PHF3: variants seen among roughly 807,000 people sequenced by gnomAD.
PHF3 encodes the protein PHD finger protein 3.
A neutral mutation model predicts 178.4 loss-of-function variants in PHF3; 41 were observed. That is an observed-to-expected ratio of 0.23 (90% CI 0.18 to 0.30). The LOEUF (loss-of-function observed/expected upper bound fraction) is 0.30. Ranked by LOEUF, PHF3 falls within the 10% of genes least tolerant of loss-of-function variation. The pLI, the probability that PHF3 is intolerant of heterozygous loss-of-function variation, is 1.00. For missense variants in PHF3, 2,346 were observed against 2,398.1 expected (o/e 0.98, Z 0.45); for synonymous variants, 842 against 800.5 (o/e 1.05, Z -0.88).
intron 2 of PHF3, among the ~76,000 whole-genome samples, chr6:63,654,938 G>T (rs1765170673): frequency 7.3e-6 from 1 of 137,350 alleles, no homozygotes; most frequent in Admixed American, 8.2e-5. Flanking sequence ...GTGTTGCCCA[G>T]GCTGGAGTGC....
chr6:63,706,217 G>T lies in PHF3; in HGVS notation c.3556G>T (p.Ala1186Ser). The stretch of plus-strand genomic sequence containing the variant: ...GTCTCCAAAGTCAACGTTCTCTCCT[G>T]CTCCACGGTAATTTTCTCTGTTGTA... Reference protein sequence around the residue: ...QESPKSTFSPAPRPEMPGTVE... With the variant: ...QESPKSTFSPSPRPEMPGTVE... Residue 1186 changes from alanine to serine, a missense_variant, in exon 12 of 16, where the codon GCT becomes TCT. By Grantham distance (99) the Ala-to-Ser change is moderately conservative. Transcript: ENST00000262043. 2 of 1,607,020 alleles carry T rather than the reference G, an allele frequency of 1.2e-6. No individual in the cohort carries two copies. Among genetic ancestry groups the T allele is most frequent in the South Asian group, 2.2e-5 (2 of 90,446 alleles).
In PHF3 at chr6:63,713,769, C is replaced by A; in HGVS notation, c.*61C>A. Reference sequence around the variant, plus strand: ...CTGTTAAAATGTTGTATCTTGTAAACAAAAGAAAGATTGCCTGCTAGGATT... The same window carrying A: ...CTGTTAAAATGTTGTATCTTGTAAAAAAAAGAAAGATTGCCTGCTAGGATT... On this transcript the variant is annotated 3_prime_UTR_variant, in exon 16 of 16. Transcript: ENST00000262043. 1 of 1,343,916 alleles carries A rather than the reference C, an allele frequency of 7.4e-7. No individual in the cohort carries two copies. The highest frequency in any genetic ancestry group is 1.0e-6 in the Non-Finnish European group (1 of 997,722). 83.2% of individuals were successfully genotyped at this position (1,343,916 alleles called of 1,614,324 possible).
intron 1 of PHF3, among the ~76,000 whole-genome samples, chr6:63,637,185 A>G (rs1020558320): frequency 3.3e-5 from 5 of 152,196 alleles, no homozygotes; most frequent in African/African-American, 7.2e-5. Context: ...TAACTTTACT[A>G]TCTTATTTTA....
rs1768205474 is a variant in PHF3 at position 63,716,856 on chromosome 6, A to T, written c.*3148A>T. ...CCTTGTGATTACATTGACCCCACCC[A>T]GATAATCCAGGGTAATGTTCCTATT... On this transcript the variant is annotated 3_prime_UTR_variant, in exon 16 of 16. Coordinates refer to ENST00000262043, the MANE Select transcript of PHF3 (RefSeq NM_001370348.2). Among the ~76,000 whole-genome samples the T allele has an allele frequency of 6.6e-6, 1 of 152,004 alleles. No homozygotes were observed. Among genetic ancestry groups the T allele is most frequent in the South Asian group, 2.1e-4 (1 of 4,826 alleles).
chr6:63,712,549 A>G lies in PHF3; in HGVS notation c.4961A>G (p.Gln1654Arg). Residue 1654 changes from glutamine to arginine, a missense_variant, in exon 16 of 16, where the codon CAA (glutamine) becomes CGA (arginine). This residue lies in a region of PHF3 where 839 missense variants were observed against 806.9 expected (regional missense o/e 1.04). Transcript: ENST00000262043. ...QFINLKRDPR[Q>R]AAGRSQPVTT... ...ATCAACCTGAAAAGGGATCCTAGGC[A>G]AGCAGCAGGACGAAGTCAGCCTGTA... 6.2e-7 allele frequency: 1 copy of G among 1,613,844 alleles called. No homozygotes were observed. The highest frequency in any genetic ancestry group is 2.2e-5 in the East Asian group (1 of 44,830).
At chr6:63,653,491 T>C (rs1384409299) in intron 2 of PHF3, among the ~76,000 whole-genome samples, 1 of 152,132 alleles carries the variant, frequency 6.6e-6, no homozygotes, top group Non-Finnish European at 1.5e-5. Context: ...TCCCCACTAG[T>C]TTATTTTGGT....
intron 2 of PHF3, 64 bp from the exon 3 acceptor site, chr6:63,679,936 T>C (rs1254824002): frequency 1.6e-6 from 2 of 1,282,194 alleles, no homozygotes; most frequent in Non-Finnish European, 2.3e-6. Flanking sequence ...TTTTCTGTAC[T>C]GCCTTTAATT....
intron 2 of PHF3, among the ~76,000 whole-genome samples, chr6:63,672,943 C>G (rs910576888): frequency 6.6e-6 from 1 of 152,138 alleles, no homozygotes; most frequent in East Asian, 1.9e-4. Context: ...CCTTTTTTGT[C>G]TATAAATTTG....
Position 63,721,138 on chromosome 6 carries a change from T to G in PHF3, c.*7430T>G, listed in dbSNP as rs1295034102. 6.4e-7 allele frequency: 1 copy of G among 1,551,526 alleles called. No individual in the cohort carries two copies. Among genetic ancestry groups the G allele is most frequent in the Non-Finnish European group, 8.7e-7 (1 of 1,146,798 alleles). On this transcript the variant is annotated 3_prime_UTR_variant, in exon 16 of 16. Transcript: ENST00000262043. ...CTATAATTTGGATCAATGTATTTAA[T>G]GTAAGAATTACCCATAAATTTTGCA...
At chr6:63,638,248 T>C (rs1034072757) in intron 1 of PHF3, among the ~76,000 whole-genome samples, 4 of 152,258 alleles carry the variant, frequency 2.6e-5, no homozygotes, top group Admixed American at 6.5e-5. Context: ...GTATTACTTA[T>C]AAAAGTTGGG....
At position 63,703,682 on chromosome 6, in the gene PHF3, G is replaced by T. The variant is rs140812408; in HGVS notation, c.3367+11G>T. 4.3e-4 allele frequency: 680 copies of T among 1,581,316 alleles called. 4 individuals carry two copies. The African/African-American group carries it at 8.6e-3, about 20-fold the overall frequency. On this transcript the variant is annotated intron_variant, in intron 11 of 15. Coordinates refer to ENST00000262043, the MANE Select transcript of PHF3 (RefSeq NM_001370348.2). Reference sequence around the variant, plus strand: ...GCAAAATCTGCATAGGTAATTGGAAGTTTTTCTTCGTAAAATTTTGCATTC... The same window carrying T: ...GCAAAATCTGCATAGGTAATTGGAATTTTTTCTTCGTAAAATTTTGCATTC...
chr6:63,721,907 A>G lies in PHF3; in HGVS notation c.*8199A>G, dbSNP rs1268451521. 7.3e-6 allele frequency: 7 copies of G among 953,906 alleles called. No individual in the cohort carries two copies. The Admixed American group carries it at 2.0e-4, about 27-fold the overall frequency. 59.1% of individuals were successfully genotyped at this position (953,906 alleles called of 1,614,324 possible). The stretch of plus-strand genomic sequence containing the variant: ...AGTTTTAGTTATGGGGAAAAAAGTA[A>G]CAGATCTTGAGCACAATTGTGTTAG... On this transcript the variant is annotated 3_prime_UTR_variant, in exon 16 of 16. Coordinates refer to ENST00000262043, the MANE Select transcript of PHF3 (RefSeq NM_001370348.2).
At chr6:63,671,363 A>G (rs760147207) in intron 2 of PHF3, among the ~76,000 whole-genome samples, 6 of 152,214 alleles carry the variant, frequency 3.9e-5, no homozygotes, top group Admixed American at 1.3e-4. Flanking sequence ...GTATTAGGTT[A>G]GTGCAAAATT....
chr6:63,664,576 C>A (rs1026674851), intron 2 of PHF3, among the ~76,000 whole-genome samples: 1 of 151,958 alleles, frequency 6.6e-6, no homozygotes, highest in African/African-American at 2.4e-5. Context: ...ATAACAAATA[C>A]AGTAGATATT....
At chr6:63,648,038 C>T (rs1446703807) in intron 2 of PHF3, among the ~76,000 whole-genome samples, 1 of 152,094 alleles carries the variant, frequency 6.6e-6, no homozygotes, top group Admixed American at 6.6e-5. Context: ...CTGCTGTTGG[C>T]CCTTAAGTTT....
intron 2 of PHF3, among the ~76,000 whole-genome samples, chr6:63,655,174 C>T (rs1243875112): frequency 6.6e-6 from 1 of 152,144 alleles, no homozygotes; most frequent in Non-Finnish European, 1.5e-5. Flanking sequence ...AGCAATTCTC[C>T]TGCCTCAGCC....
At position 63,721,366 on chromosome 6, in the gene PHF3, C is replaced by T. The variant is rs1390399761; in HGVS notation, c.*7658C>T. 6.4e-7 allele frequency: 1 copy of T among 1,551,858 alleles called. No individual in the cohort carries two copies. Among genetic ancestry groups the T allele is most frequent in the East Asian group, 2.4e-5 (1 of 40,920 alleles). ...AAAGTTGTGCCATTTACTGTACATT[C>T]ACCTCCATTTCTGCATGTGTTGTAC... On this transcript the variant is annotated 3_prime_UTR_variant, in exon 16 of 16. Coordinates refer to ENST00000262043, the MANE Select transcript of PHF3 (RefSeq NM_001370348.2).
intron 5 of PHF3, among the ~76,000 whole-genome samples, chr6:63,693,391 G>A (rs1272691553): frequency 1.3e-5 from 2 of 152,108 alleles, no homozygotes; most frequent in East Asian, 1.9e-4. Context: ...TGAGGTGGGC[G>A]GATCGCCTGA....
In PHF3 at chr6:63,636,080, C is replaced by T. The variant is rs968406164; in HGVS notation, c.-96C>T. 4 of 392,468 alleles carry T rather than the reference C, an allele frequency of 1.0e-5. No homozygotes were observed. The highest frequency in any genetic ancestry group is 3.6e-5 in the East Asian group (1 of 27,768). 24.3% of individuals were successfully genotyped at this position (392,468 alleles called of 1,614,324 possible). A position where few individuals can be genotyped will look rare whatever the true frequency, so the allele number is the denominator to read the frequency against. On this transcript the variant is annotated 5_prime_UTR_variant, in exon 1 of 16. Transcript: ENST00000262043. ...GGCACCCACCGGGCCCCCTCCTCCTCCTCTTCGGCGGCGGCAGCGTCCACC... is the reference window on the plus strand; with the variant it reads ...GGCACCCACCGGGCCCCCTCCTCCTTCTCTTCGGCGGCGGCAGCGTCCACC...
Sources: gnomAD v4.1 joint callset for allele counts (sites outside exome capture counted in the v4.1 genomes callset) on GRCh38, gnomAD v4.1.1 for gene constraint, gnomAD v4.1.1 regional missense constraint, MANE v1.5 for transcripts, NCBI Gene and HGNC (gene_info 2026-07-23, HGNC 2026-07-21) for gene names.